PRKCB: variants seen among roughly 807,000 people sequenced by gnomAD.
PRKCB encodes the protein protein kinase C beta.
PRKCB carries 13 observed loss-of-function variants against 81.5 expected under a neutral mutation model. The ratio of observed to expected loss-of-function variants is 0.16; its 90% CI spans 0.10 to 0.25. PRKCB has a LOEUF of 0.25. PRKCB is among the 10% of genes least tolerant of loss of function. The probability of loss-of-function intolerance (pLI) is 1.00; values close to 1 mark genes in which losing one functional copy is unlikely to be tolerated. For missense variants in PRKCB, 509 were observed against 875.7 expected (o/e 0.58, Z 5.29); for synonymous variants, 335 against 321.4 (o/e 1.04, Z -0.45).
Position 23,935,091 on chromosome 16 carries a change from A to C in PRKCB, c.206-53417A>C, listed in dbSNP as rs146344626. Among the ~76,000 whole-genome samples, 177 of 152,268 alleles carry C rather than the reference A, an allele frequency of 1.2e-3. 2 individuals carry two copies. In the East Asian group the frequency reaches 0.027, roughly 23 times the overall value. On this transcript the variant is annotated intron_variant, in intron 2 of 16. Coordinates refer to ENST00000643927, the MANE Select transcript of PRKCB (RefSeq NM_002738.7). The stretch of plus-strand genomic sequence containing the variant: ...GAGCCACCCGGATGATGGGCTTAAT[A>C]GGTACAAACTGGGAACTTCCCCTCA...
chr16:24,185,824 G>C (rs1004432706), intron 15 of PRKCB, among the ~76,000 whole-genome samples: 5 of 152,236 alleles, frequency 3.3e-5, no homozygotes, highest in Non-Finnish European at 7.3e-5. Context: ...CTCTGAACCA[G>C]CACAGGGGAA....
At chr16:23,842,322 G>A (rs1962282268) in intron 2 of PRKCB, among the ~76,000 whole-genome samples, 1 of 152,054 alleles carries the variant, frequency 6.6e-6, no homozygotes, top group Admixed American at 6.6e-5. Flanking sequence ...ATAATGAGGT[G>A]GTGCATGAGA....
At chr16:23,922,228 G>A (rs960349674) in intron 2 of PRKCB, among the ~76,000 whole-genome samples, 1 of 152,224 alleles carries the variant, frequency 6.6e-6, no homozygotes, top group Non-Finnish European at 1.5e-5. Flanking sequence ...CTAAATGAGT[G>A]AAGTGGGTGG....
rs1049620253 is a variant in PRKCB, at chr16:24,051,056, T to G, written c.529+15509T>G. The stretch of plus-strand genomic sequence containing the variant: ...GGTCTTCCTGTTCTTGTGCCGAGTG[T>G]CTTCCGGACATCACCTTCCTCACAC... On this transcript the variant is annotated intron_variant, in intron 5 of 16. Coordinates refer to ENST00000643927, the MANE Select transcript of PRKCB (RefSeq NM_002738.7). Among the ~76,000 whole-genome samples the G allele has an allele frequency of 3.2e-4, 48 of 152,172 alleles. 1 individual carries two copies. The highest frequency in any genetic ancestry group is 1.9e-4 in the Non-Finnish European group (13 of 68,036).
At chr16:24,207,106 T>G (rs1255733676) in intron 16 of PRKCB, among the ~76,000 whole-genome samples, 2 of 152,158 alleles carry the variant, frequency 1.3e-5, no homozygotes, top group African/African-American at 4.8e-5. Context: ...AAGTTTTAAA[T>G]TTTTGTAGAG....
Position 23,837,949 on chromosome 16 carries a change from G to A in PRKCB, c.205+543G>A, listed in dbSNP as rs112152775. ...CAGAGGGAGTGTTTCTCAGATCCTGGTTTAAATCACCCTATCTTCTGGGTT... is the reference window on the plus strand; with the variant it reads ...CAGAGGGAGTGTTTCTCAGATCCTGATTTAAATCACCCTATCTTCTGGGTT... On this transcript the variant is annotated intron_variant, in intron 2 of 16. Coordinates refer to ENST00000643927, the MANE Select transcript of PRKCB (RefSeq NM_002738.7). Among the ~76,000 whole-genome samples the A allele has an allele frequency of 1.7e-3, 258 of 152,262 alleles. 2 individuals carry two copies. The highest frequency in any genetic ancestry group is 5.8e-3 in the African/African-American group (241 of 41,556).
chr16:23,944,206 A>G (rs1596482216), intron 2 of PRKCB, among the ~76,000 whole-genome samples: 1 of 152,204 alleles, frequency 6.6e-6, no homozygotes, highest in African/African-American at 2.4e-5. Flanking sequence ...ATACTAACAT[A>G]GTATCTGCAT....
At chr16:23,956,891 G>C (rs536657039) in intron 2 of PRKCB, among the ~76,000 whole-genome samples, 2 of 149,656 alleles carry the variant, frequency 1.3e-5, no homozygotes, top group African/African-American at 5.0e-5. Context: ...CATGGTGCTG[G>C]CATAATTGGG....
At chr16:23,847,113 T>C (rs1239139793) in intron 2 of PRKCB, among the ~76,000 whole-genome samples, 1 of 152,136 alleles carries the variant, frequency 6.6e-6, no homozygotes, top group Admixed American at 6.6e-5. Flanking sequence ...ACACCATTAG[T>C]TCAACCATAG....
intron 8 of PRKCB, among the ~76,000 whole-genome samples, chr16:24,115,238 T>C (rs62027380): frequency 5.4e-5 from 6 of 111,646 alleles, no homozygotes; most frequent in South Asian, 2.9e-4. Flanking sequence ...GACTTTAGCA[T>C]TTATCCCAAG....
chr16:23,935,464 A>G (rs1964045617), intron 2 of PRKCB, among the ~76,000 whole-genome samples: 1 of 152,194 alleles, frequency 6.6e-6, no homozygotes, highest in Non-Finnish European at 1.5e-5. Context: ...TGCTTTGAGA[A>G]ACACCAAACT....
chr16:23,904,306 G>A (rs1361207598), intron 2 of PRKCB, among the ~76,000 whole-genome samples: 1 of 152,266 alleles, frequency 6.6e-6, no homozygotes, highest in African/African-American at 2.4e-5. Context: ...GTGCAAGAGG[G>A]GTGATAATAG....
intron 5 of PRKCB, among the ~76,000 whole-genome samples, chr16:24,037,861 TAA>T (rs10718229): frequency 5.1e-4 from 67 of 130,884 alleles, no homozygotes; most frequent in Non-Finnish European, 4.9e-4. Context: ...ACAAGACGTT[TAA>T]AAAAAAAAAA....
chr16:24,021,447 A>C (rs1596515998), intron 3 of PRKCB, among the ~76,000 whole-genome samples: 3 of 147,042 alleles, frequency 2.0e-5, no homozygotes, highest in East Asian at 4.0e-4. Context: ...GTGATGACCT[A>C]GGATCTGCCT....
intron 2 of PRKCB, among the ~76,000 whole-genome samples, chr16:23,960,289 G>A (rs1025241841): frequency 6.6e-6 from 1 of 152,002 alleles, no homozygotes; most frequent in Non-Finnish European, 1.5e-5. Flanking sequence ...ATCCCAGTAC[G>A]GTGGTATCTT....
At chr16:24,092,510 G>T (rs1483833717) in intron 5 of PRKCB, among the ~76,000 whole-genome samples, 1 of 152,168 alleles carries the variant, frequency 6.6e-6, no homozygotes, top group East Asian at 1.9e-4. Context: ...CTTTCCTGTG[G>T]GCTTTGTGGA....
At chr16:24,008,586 T>C (rs1282321052) in intron 3 of PRKCB, among the ~76,000 whole-genome samples, 1 of 152,164 alleles carries the variant, frequency 6.6e-6, no homozygotes, top group Non-Finnish European at 1.5e-5. Flanking sequence ...CCTTCTTTGC[T>C]CCTTCTAATC....
intron 5 of PRKCB, among the ~76,000 whole-genome samples, chr16:24,042,817 A>T (rs961530626): frequency 6.7e-6 from 1 of 149,412 alleles, no homozygotes; most frequent in Non-Finnish European, 1.5e-5. Flanking sequence ...GGCTTACTGC[A>T]GCCTCGACCT....
intron 3 of PRKCB, among the ~76,000 whole-genome samples, chr16:24,025,642 A>G (rs1015028269): frequency 1.3e-5 from 2 of 152,242 alleles, no homozygotes; most frequent in African/African-American, 4.8e-5. Flanking sequence ...GATTTAGAAT[A>G]TAAGTTCCAT....
Sources: allele counts gnomAD v4.1 joint callset (sites outside exome capture counted in the v4.1 genomes callset), GRCh38; gene constraint gnomAD v4.1.1; transcripts MANE v1.5; gene names NCBI Gene and HGNC (gene_info 2026-07-23, HGNC 2026-07-21).